Variants in ABL1 observed in about 807,000 individuals in gnomAD.
ABL1 encodes the protein tyrosine-protein kinase ABL1.
In ABL1, 11 loss-of-function variants were observed where a neutral mutation model predicts 94.7. The ratio of observed to expected loss-of-function variants is 0.12; its 90% CI spans 0.07 to 0.19. The LOEUF (loss-of-function observed/expected upper bound fraction) is 0.19. Among genes scored for constraint, ABL1 ranks in the 10% least tolerant of loss-of-function variants. The pLI is 1.00. For missense variants in ABL1, 1,082 were observed against 1,489.4 expected, an observed-to-expected ratio of 0.73 and a Z score of 4.50; for synonymous variants, 656 against 622.4, an observed-to-expected ratio of 1.05 and a Z score of -0.80.
At chr9:130,858,771 AT>A (rs1441598665) in intron 3 of ABL1, among the ~76,000 whole-genome samples, 1 of 152,148 alleles carries the variant, frequency 6.6e-6, no homozygotes, top group African/African-American at 2.4e-5. Flanking sequence ...TTTGGTTCTT[AT>A]TTTTAAATTA....
chr9:130,880,230 C>CG lies in ABL1; in HGVS notation c.1513+75dup. 1 of 1,472,454 alleles carries CG rather than the reference C, an allele frequency of 6.8e-7. No homozygotes were observed. The highest frequency in any genetic ancestry group is 9.5e-7 in the Non-Finnish European group (1 of 1,052,296). The allele number at this position is 1,472,454 out of a possible 1,614,324, so 91.2% of individuals were successfully genotyped here. On this transcript the variant is annotated intron_variant, in intron 9 of 10. Coordinates refer to ENST00000318560, the MANE Select transcript of ABL1 (RefSeq NM_005157.6). This position sits in a 1 kb window ranked among gnomAD's most constrained non-coding sequence, Gnocchi z 4.4. ...ATGTGGGACTGCAGCCTGGGTCATTCGGTTCACTTCCTGGTGAAAGTTCAC... is the reference window on the plus strand; with the variant it reads ...ATGTGGGACTGCAGCCTGGGTCATTCGGGTTCACTTCCTGGTGAAAGTTCAC...
chr9:130,868,073 C>T (rs1304847539), intron 4 of ABL1, among the ~76,000 whole-genome samples: 2 of 152,092 alleles, frequency 1.3e-5, no homozygotes, highest in African/African-American at 2.4e-5. Flanking sequence ...AATTCTCCTG[C>T]CTCAGCCTCC....
At chr9:130,714,580 T>C (rs1018382898) in intron 1 of ABL1, 11 of 1,269,228 alleles carry the variant, frequency 8.7e-6, no homozygotes, top group Non-Finnish European at 1.3e-5. Context: ...TTTGTTACTG[T>C]AGTTATCTCT....
At position 130,814,672 on chromosome 9, in the gene ABL1, C is replaced by T. The variant is rs1830259125; in HGVS notation, c.137-39392C>T. ...GTGGGCGGATCACGAGGTCAGGAGA[C>T]CGAGACCATCCTTGCTAACACGGTG... On this transcript the variant is annotated intron_variant, in intron 1 of 10. Transcript: ENST00000372348. This position sits in a 1 kb window ranked among gnomAD's most constrained non-coding sequence, Gnocchi z 4.4. 6.6e-6 allele frequency among the ~76,000 whole-genome samples: 1 copy of T among 151,560 alleles called. No individual in the cohort carries two copies. Among genetic ancestry groups the T allele is most frequent in the African/African-American group, 2.4e-5 (1 of 41,244 alleles).
chr9:130,840,281 T>C (rs1251142311), intron 1 of ABL1, among the ~76,000 whole-genome samples: 2 of 152,238 alleles, frequency 1.3e-5, no homozygotes, highest in Non-Finnish European at 2.9e-5. Flanking sequence ...GGCTGAAAAA[T>C]GTCTTCTCTT....
At position 130,720,367 on chromosome 9, in the gene ABL1, C is replaced by T. The variant is rs188036614; in HGVS notation, c.136+5912C>T. 1.2e-4 allele frequency among the ~76,000 whole-genome samples: 18 copies of T among 152,126 alleles called. No homozygotes were observed. In the East Asian group the frequency reaches 1.7e-3, roughly 15 times the overall value. On this transcript the variant is annotated intron_variant, in intron 1 of 10. Coordinates refer to the ABL1 transcript ENST00000372348. ...AGAGGGCGGCATTTGATTAAAGACC[C>T]GAAGGAGGAAGATGAGCAGCAGGCC...
At chr9:130,758,723 G>A (rs1414050873) in intron 1 of ABL1, among the ~76,000 whole-genome samples, 5 of 152,186 alleles carry the variant, frequency 3.3e-5, no homozygotes, top group African/African-American at 4.8e-5. Context: ...GTGAGCCACC[G>A]CATCCGGCCC....
chr9:130,718,619 G>A (rs888530199), intron 1 of ABL1, among the ~76,000 whole-genome samples: 2 of 152,152 alleles, frequency 1.3e-5, no homozygotes, highest in African/African-American at 4.8e-5. Context: ...TGTGGCTTAT[G>A]CCTGTAATTT....
rs750518778 is a variant in ABL1 at position 130,885,164 on chromosome 9, C to T, written c.2874C>T (p.Pro958=). The change falls in exon 11 of 11, where the codon CCC becomes CCT. Residue 958 remains proline (P), a synonymous_variant. Coordinates refer to ENST00000318560, the MANE Select transcript of ABL1 (RefSeq NM_005157.6). The part of the protein sequence containing the change: ...PSQPGEGLKK[P]VLPATPKPQS... Reference sequence around the variant, plus strand: ...AGCCGGGAGAGGGCCTCAAAAAGCCCGTGCTCCCGGCCACTCCAAAGCCAC... The same window carrying T: ...AGCCGGGAGAGGGCCTCAAAAAGCCTGTGCTCCCGGCCACTCCAAAGCCAC... The T allele has an allele frequency of 1.4e-5, 23 of 1,613,106 alleles. 1 individual carries two copies. The South Asian group carries it at 1.5e-4, about 11-fold the overall frequency.
At chr9:130,716,023 T>C (rs989911078) in intron 1 of ABL1, among the ~76,000 whole-genome samples, 4 of 140,780 alleles carry the variant, frequency 2.8e-5, no homozygotes, top group African/African-American at 5.0e-5. Flanking sequence ...TAAATATATA[T>C]ATACACACAC....
chr9:130,713,499 C>G (rs1026492340), exon 1 of ABL1, among the ~76,000 whole-genome samples: 3 of 150,542 alleles, frequency 2.0e-5, no homozygotes, highest in Non-Finnish European at 4.4e-5. Context: ...CAAGCCGCCC[C>G]TTATTCCGGA....
chr9:130,868,631 C>T (rs1831200056), intron 4 of ABL1, among the ~76,000 whole-genome samples: 1 of 143,118 alleles, frequency 7.0e-6, no homozygotes, highest in Non-Finnish European at 1.5e-5. Flanking sequence ...AGCAATTCTT[C>T]TGCCTCAGCC....
intron 1 of ABL1, among the ~76,000 whole-genome samples, chr9:130,817,281 C>A (rs189434948): frequency 6.6e-6 from 1 of 152,072 alleles, no homozygotes; most frequent in Non-Finnish European, 1.5e-5. Flanking sequence ...ATCTGCTAGC[C>A]GTAATAAAGA....
intron 4 of ABL1, among the ~76,000 whole-genome samples, chr9:130,868,037 G>A (rs936124277): frequency 6.0e-5 from 9 of 150,698 alleles, no homozygotes; most frequent in Admixed American, 2.6e-4. Flanking sequence ...TCGGCTCACC[G>A]CAAGCTCCAC....
chr9:130,811,669 G>C (rs1277256414), intron 1 of ABL1, among the ~76,000 whole-genome samples: 2 of 151,982 alleles, frequency 1.3e-5, no homozygotes, highest in Non-Finnish European at 2.9e-5. Context: ...CCAACACTTT[G>C]GGAGGCCGAG....
In ABL1 at chr9:130,809,651, C is replaced by T. The variant is rs369949689; in HGVS notation, c.137-44413C>T. On this transcript the variant is annotated intron_variant, in intron 1 of 10. Transcript: ENST00000372348. ...CAGGAAAAAAGTTGATGTCCCAGTT[C>T]GAAGGCAGTTAGGCTGGAAGAATTC... Among the ~76,000 whole-genome samples the T allele has an allele frequency of 7.7e-4, 117 of 152,220 alleles. 2 individuals carry two copies. The South Asian group carries it at 0.022, about 29-fold the overall frequency.
intron 1 of ABL1, among the ~76,000 whole-genome samples, chr9:130,798,684 G>T (rs142066883): frequency 6.6e-6 from 1 of 152,036 alleles, no homozygotes; most frequent in African/African-American, 2.4e-5. Flanking sequence ...AATTGGAAGG[G>T]GGGGCCGGGC....
intron 4 of ABL1, among the ~76,000 whole-genome samples, chr9:130,867,993 T>C (rs1347756988): frequency 6.7e-6 from 1 of 149,046 alleles, no homozygotes; most frequent in Non-Finnish European, 1.5e-5. Flanking sequence ...AGAGTCTCAC[T>C]CTGTCACCCA....
At chr9:130,727,790 G>A (rs928324691) in intron 1 of ABL1, among the ~76,000 whole-genome samples, 1 of 142,696 alleles carries the variant, frequency 7.0e-6, no homozygotes, top group Non-Finnish European at 1.5e-5. Context: ...TAGGAAACAG[G>A]AAAGACTGAA....
Sources: allele counts gnomAD v4.1 joint callset (sites outside exome capture counted in the v4.1 genomes callset), GRCh38; gene constraint gnomAD v4.1.1; non-coding constraint Gnocchi (gnomAD v3.1); transcripts MANE v1.5; gene names NCBI Gene and HGNC (gene_info 2026-07-23, HGNC 2026-07-21).